EPS15: variants seen among roughly 807,000 people sequenced by gnomAD.
The protein encoded by EPS15 is epidermal growth factor receptor substrate 15.
Under a neutral mutation model 113.8 loss-of-function variants are expected in EPS15, and 72 were observed. The ratio of observed to expected loss-of-function variants is 0.63; its 90% CI spans 0.52 to 0.77. EPS15 has a LOEUF of 0.77. EPS15 is among the 30% of genes least tolerant of loss of function. The pLI, the probability that EPS15 is intolerant of heterozygous loss-of-function variation, is 0.00. For missense variants in EPS15, 1,048 were observed against 1,045.8 expected, an observed-to-expected ratio of 1.00 and a Z score of -0.03; for synonymous variants, 344 against 363.4, an observed-to-expected ratio of 0.95 and a Z score of 0.61.
chr1:51,495,562 T>A (rs1424987398), intron 1 of EPS15, among the ~76,000 whole-genome samples: 1 of 152,060 alleles, frequency 6.6e-6, no homozygotes, highest in African/African-American at 2.4e-5. Flanking sequence ...AAATCAAGTG[T>A]AATTTAAAAC....
chr1:51,372,655 T>C (rs1034458011), intron 21 of EPS15: 12 of 436,972 alleles, frequency 2.7e-5, no homozygotes, highest in Non-Finnish European at 5.4e-5. Flanking sequence ...GATCTGGGGC[T>C]GCCCACAGAA....
At position 51,356,372 on chromosome 1, in the gene EPS15, C is replaced by T. The variant is rs540177134; in HGVS notation, c.*328G>A. ...AGGGTAGTGCAGGGTGAAACTATTT[C>T]TCTATATTCCAGAAGGCAGAAGCTT... On this transcript the variant is annotated 3_prime_UTR_variant, in exon 25 of 25. Transcript: ENST00000371733. 134 of 282,324 alleles carry T rather than the reference C, an allele frequency of 4.7e-4. No individual in the cohort carries two copies. The highest frequency in any genetic ancestry group is 2.7e-3 in the African/African-American group (125 of 46,008). 17.5% of individuals were successfully genotyped at this position (282,324 alleles called of 1,614,324 possible). A position where few individuals can be genotyped will look rare whatever the true frequency, so the allele number is the denominator to read the frequency against.
chr1:51,453,441 T>C (rs906362011), intron 8 of EPS15, among the ~76,000 whole-genome samples: 2 of 152,176 alleles, frequency 1.3e-5, no homozygotes, highest in African/African-American at 4.8e-5. Flanking sequence ...TGGGTTGTGA[T>C]TTTGTTTTCT....
chr1:51,358,699 GTTTT>G (rs1181151202), intron 24 of EPS15, among the ~76,000 whole-genome samples: 6 of 129,320 alleles, frequency 4.6e-5, no homozygotes, highest in Non-Finnish European at 1.0e-4. Flanking sequence ...AACCAGATTT[GTTTT>G]TTTTTGTTTT....
intron 8 of EPS15, among the ~76,000 whole-genome samples, chr1:51,453,114 C>T (rs1248917279): frequency 1.3e-5 from 2 of 152,180 alleles, no homozygotes; most frequent in African/African-American, 4.8e-5. Context: ...CTAACATACA[C>T]TTCCAACCAA....
At chr1:51,434,645 T>TA (rs1315425761) in intron 12 of EPS15, among the ~76,000 whole-genome samples, 7 of 152,146 alleles carry the variant, frequency 4.6e-5, no homozygotes, top group Admixed American at 1.3e-4. Flanking sequence ...TGAATGGTGA[T>TA]GATGGTTGCA....
At chr1:51,500,917 G>A (rs1421220372) in intron 1 of EPS15, among the ~76,000 whole-genome samples, 1 of 151,578 alleles carries the variant, frequency 6.6e-6, no homozygotes, top group Non-Finnish European at 1.5e-5. Context: ...CCGGGAGGTG[G>A]AGGCTGAAGT....
chr1:51,456,499 A>G (rs1654007985), intron 8 of EPS15, among the ~76,000 whole-genome samples: 1 of 152,244 alleles, frequency 6.6e-6, no homozygotes, highest in Non-Finnish European at 1.5e-5. Context: ...AACTTGTATT[A>G]TACTTCAACA....
At chr1:51,365,756 A>G (rs1208967229) in intron 22 of EPS15, among the ~76,000 whole-genome samples, 197 bp downstream of exon 22, 1 of 152,220 alleles carries the variant, frequency 6.6e-6, no homozygotes, top group East Asian at 1.9e-4. Flanking sequence ...CTCTACCATC[A>G]ATACAGTCTA....
intron 8 of EPS15, among the ~76,000 whole-genome samples, chr1:51,455,050 A>G (rs1653873445): frequency 6.6e-6 from 1 of 152,192 alleles, no homozygotes; most frequent in South Asian, 2.1e-4. Context: ...CTAAATCTAC[A>G]AAAATCATGA....
In EPS15 at chr1:51,444,958, C is replaced by T; in HGVS notation, c.885G>A (p.Lys295=). 1.2e-6 allele frequency: 2 copies of T among 1,613,856 alleles called. No individual in the cohort carries two copies. Among genetic ancestry groups the T allele is most frequent in the Non-Finnish European group, 1.7e-6 (2 of 1,179,864 alleles). Residue 295 remains lysine (K), a synonymous_variant, in exon 11 of 25, where the codon AAG becomes AAA. Coordinates refer to ENST00000371733, the MANE Select transcript of EPS15 (RefSeq NM_001981.3). ...TAAGAACGTGAGGAGGATCAATGCC[C>T]TTGATTAACTTCTGACTGATTAAGT... ...AFHLISQKLI[K]GIDPPHVLTP... is the part of the protein sequence containing the mutation.
At chr1:51,357,428 T>TATATATATATATATATATA (rs1557761744) in intron 24 of EPS15, among the ~76,000 whole-genome samples, 1 of 65,660 alleles carries the variant, frequency 1.5e-5, no homozygotes, top group African/African-American at 7.3e-5. Flanking sequence ...ATATATATAT[T>TATATATATATATATATATA]TTTTTTTTTT....
At chr1:51,417,393 C>T (rs1240373717) in intron 13 of EPS15, among the ~76,000 whole-genome samples, 4 of 152,128 alleles carry the variant, frequency 2.6e-5, no homozygotes, top group African/African-American at 7.2e-5. Context: ...AAATTGTATA[C>T]ACAAAACCAA....
At chr1:51,403,178 C>A (rs1005351039) in intron 17 of EPS15, among the ~76,000 whole-genome samples, 4 of 152,184 alleles carry the variant, frequency 2.6e-5, no homozygotes, top group African/African-American at 9.7e-5. Context: ...GCTGGGACTA[C>A]AGGCACTTGC....
chr1:51,497,912 G>C (rs530593514), intron 1 of EPS15, among the ~76,000 whole-genome samples: 1 of 151,822 alleles, frequency 6.6e-6, no homozygotes, highest in East Asian at 1.9e-4. Context: ...AGGAGGCAGA[G>C]GTTGCAGTGA....
In EPS15 at chr1:51,355,842, A is replaced by G. The variant is rs1033097862; in HGVS notation, c.*858T>C. ...AACAGGACAGGGCCACGGCAAAGGC[A>G]GAATGGCTGCCATGTTAAGACTTTT... is the stretch of plus-strand genomic sequence containing the variant. On this transcript the variant is annotated 3_prime_UTR_variant, in exon 25 of 25. Coordinates refer to ENST00000371733, the MANE Select transcript of EPS15 (RefSeq NM_001981.3). 3 of 200,250 alleles carry G rather than the reference A, an allele frequency of 1.5e-5. No homozygotes were observed. The highest frequency in any genetic ancestry group is 2.3e-5 in the African/African-American group (1 of 43,536). The allele number at this position is 200,250 out of a possible 1,614,324, so 12.4% of individuals were successfully genotyped here.
Position 51,509,801 on chromosome 1 carries a change from A to G in EPS15, c.33+9398T>C, listed in dbSNP as rs575058779. 7.2e-5 allele frequency among the ~76,000 whole-genome samples: 11 copies of G among 152,366 alleles called. No individual in the cohort carries two copies. In the South Asian group the frequency reaches 1.7e-3, roughly 23 times the overall value. On this transcript the variant is annotated intron_variant, in intron 1 of 24. Transcript: ENST00000371733. ...TTCTAGAGATGTGGTGTATGCAATGATAAGTTGATTTTCACATAGGAAGAT... is the reference window on the plus strand; with the variant it reads ...TTCTAGAGATGTGGTGTATGCAATGGTAAGTTGATTTTCACATAGGAAGAT...
intron 8 of EPS15, among the ~76,000 whole-genome samples, chr1:51,448,789 T>C (rs912440758): frequency 6.6e-6 from 1 of 152,018 alleles, no homozygotes; most frequent in Non-Finnish European, 1.5e-5. Flanking sequence ...AACTGAGAAG[T>C]AGTAGCATCA....
chr1:51,417,360 T>C (rs1650333214), intron 13 of EPS15, among the ~76,000 whole-genome samples: 1 of 152,198 alleles, frequency 6.6e-6, no homozygotes. Context: ...TACCTATGGG[T>C]TCCAGTTATA....
Sources: allele counts gnomAD v4.1 joint callset (sites outside exome capture counted in the v4.1 genomes callset), GRCh38; gene constraint gnomAD v4.1.1; transcripts MANE v1.5; gene names NCBI Gene and HGNC (gene_info 2026-07-23, HGNC 2026-07-21).